The following CLDN10 variants were observed in gnomAD, a reference collection of about 807,000 sequenced individuals.
The protein encoded by CLDN10 is claudin-10.
In CLDN10, 15 loss-of-function variants were observed where a neutral mutation model predicts 22.9. The ratio of observed to expected loss-of-function variants is 0.65; its 90% confidence interval spans 0.44 to 1.01. CLDN10 has a LOEUF of 1.01. CLDN10 is among the 50% of genes least tolerant of loss of function. CLDN10 has a pLI of 0.00. For missense variants in CLDN10, 247 were observed against 287.8 expected (o/e 0.86, Z 1.03); for synonymous variants, 114 against 111.4 (o/e 1.02, Z -0.15).
At chr13:95,513,254 A>G (rs899348534) in intron 1 of CLDN10, among the ~76,000 whole-genome samples, 2 of 152,176 alleles carry the variant, frequency 1.3e-5, no homozygotes, top group Non-Finnish European at 2.9e-5. Flanking sequence ...CATAGTCAAG[A>G]GCATTATTTA....
chr13:95,572,938 A>C (rs983983085), intron 3 of CLDN10, among the ~76,000 whole-genome samples: 1 of 152,224 alleles, frequency 6.6e-6, no homozygotes, highest in Non-Finnish European at 1.5e-5. Context: ...TAAGTTGTTC[A>C]GCATTCCATT....
intron 1 of CLDN10, among the ~76,000 whole-genome samples, chr13:95,440,254 C>A (rs1043681562): frequency 6.6e-6 from 1 of 152,218 alleles, no homozygotes; most frequent in South Asian, 2.1e-4. Flanking sequence ...TTGGATAACA[C>A]TTACCTTTCC....
rs1265668456 is a variant in CLDN10, at chr13:95,579,616, CACA to C, written c.*1605_*1607del. The C allele has an allele frequency of 6.6e-6, 1 of 151,952 alleles. No individual in the cohort carries two copies. Among genetic ancestry groups the C allele is most frequent in the African/African-American group, 2.4e-5 (1 of 41,354 alleles). The allele number at this position is 151,952 out of a possible 1,614,324, so 9.4% of individuals were successfully genotyped here. A position where few individuals can be genotyped will look rare whatever the true frequency, so the allele number is the denominator to read the frequency against. On this transcript the variant is annotated 3_prime_UTR_variant, in exon 5 of 5. Transcript: ENST00000299339. ...GAGTAAGAAACTGTCCGATATGAAT[CACA>C]ACGTGGGTGAATGTAGTATTTTCCT...
chr13:95,481,675 C>T (rs1016093620), intron 1 of CLDN10, among the ~76,000 whole-genome samples: 3 of 152,174 alleles, frequency 2.0e-5, no homozygotes, highest in Admixed American at 6.5e-5. Context: ...TTCAGATAAT[C>T]TTCCTATGTT....
chr13:95,528,829 G>A (rs2043311954), intron 1 of CLDN10, among the ~76,000 whole-genome samples: 1 of 152,202 alleles, frequency 6.6e-6, no homozygotes, highest in African/African-American at 2.4e-5. Flanking sequence ...AAGAAAAAAA[G>A]TTTATTCAAT....
chr13:95,551,886 T>TA (rs113648925), upstream of CLDN10, among the ~76,000 whole-genome samples: 6 of 151,248 alleles, frequency 4.0e-5, no homozygotes, highest in South Asian at 4.2e-4. Context: ...GGAGGTGGTT[T>TA]AAAAAAAAAT....
chr13:95,538,837 G>A (rs970259452), intron 1 of CLDN10, among the ~76,000 whole-genome samples: 2 of 152,224 alleles, frequency 1.3e-5, no homozygotes, highest in East Asian at 1.9e-4. Flanking sequence ...CAGAGAAGGC[G>A]ATTTTTAAGT....
At chr13:95,556,899 A>G (rs1047006049) in intron 1 of CLDN10, among the ~76,000 whole-genome samples, 1 of 152,270 alleles carries the variant, frequency 6.6e-6, no homozygotes, top group Non-Finnish European at 1.5e-5. Context: ...TTTGGAAAAC[A>G]CTTAACTTTT....
intron 1 of CLDN10, among the ~76,000 whole-genome samples, chr13:95,525,575 C>T (rs1162031368): frequency 2.0e-5 from 3 of 152,166 alleles, no homozygotes; most frequent in African/African-American, 4.8e-5. Flanking sequence ...TCACTGCAAC[C>T]TCCACCTCCT....
At chr13:95,571,164 G>A (rs754867637) in intron 3 of CLDN10, among the ~76,000 whole-genome samples, 2 of 151,816 alleles carry the variant, frequency 1.3e-5, no homozygotes, top group Non-Finnish European at 2.9e-5. Flanking sequence ...AGTGACACAT[G>A]GTAGGTAATC....
At chr13:95,554,322 C>G (rs2043606770) in intron 1 of CLDN10, among the ~76,000 whole-genome samples, 1 of 152,210 alleles carries the variant, frequency 6.6e-6, no homozygotes, top group Non-Finnish European at 1.5e-5. Context: ...GAACACTCTT[C>G]TGTTGTAACT....
intron 1 of CLDN10, among the ~76,000 whole-genome samples, chr13:95,534,546 A>T (rs1269193790): frequency 6.6e-6 from 1 of 152,184 alleles, no homozygotes; most frequent in Non-Finnish European, 1.5e-5. Flanking sequence ...AAATTCAAAA[A>T]AAAATCAATT....
At chr13:95,551,837 G>A (rs723576), upstream of CLDN10, among the ~76,000 whole-genome samples, 61,669 of 151,952 alleles carry the variant, frequency 0.41, 13,379 homozygotes, top group African/African-American at 0.54. Flanking sequence ...AAGGGATGAA[G>A]GAATGAATGA....
At chr13:95,486,804 T>C (rs1045644778) in intron 1 of CLDN10, among the ~76,000 whole-genome samples, 1 of 152,186 alleles carries the variant, frequency 6.6e-6, no homozygotes, top group African/African-American at 2.4e-5. Context: ...CCTGGCCACG[T>C]TGTGAGCTCT....
intron 3 of CLDN10, 48 bp from the exon 4 acceptor site, chr13:95,577,183 A>C: frequency 8.0e-7 from 1 of 1,255,818 alleles, no homozygotes; most frequent in Middle Eastern, 1.9e-4. Context: ...AATACTGTTT[A>C]CTCTCCAAAT....
At chr13:95,559,657 G>C (rs140641975) in intron 1 of CLDN10, among the ~76,000 whole-genome samples, 2 of 152,162 alleles carry the variant, frequency 1.3e-5, no homozygotes, top group Non-Finnish European at 2.9e-5. Flanking sequence ...CTTATCATTT[G>C]ATAATGTCAA....
intron 1 of CLDN10, among the ~76,000 whole-genome samples, chr13:95,530,524 T>G (rs1245596232): frequency 6.6e-6 from 1 of 152,182 alleles, no homozygotes; most frequent in African/African-American, 2.4e-5. Context: ...TGCCTGAGTA[T>G]ACTCATCGAA....
chr13:95,552,064 A>G (rs2043572034), upstream of CLDN10, among the ~76,000 whole-genome samples: 1 of 152,210 alleles, frequency 6.6e-6, no homozygotes, highest in Non-Finnish European at 1.5e-5. Flanking sequence ...AGGATGCCCC[A>G]TCTGCTGCTA....
Position 95,435,464 on chromosome 13 carries a change from G to T in CLDN10, c.214+1417G>T, listed in dbSNP as rs2042258943. Among the ~76,000 whole-genome samples the T allele has an allele frequency of 2.6e-5, 4 of 152,140 alleles. No individual in the cohort carries two copies. The South Asian group carries it at 6.2e-4, about 24-fold the overall frequency. On this transcript the variant is annotated intron_variant, in intron 1 of 4. Transcript: ENST00000376873. Reference sequence around the variant, plus strand: ...AGAGAGAATACTTAACTAAATCCAGGAGATTTCTAATGACAATCAAAAGAA... The same window carrying T: ...AGAGAGAATACTTAACTAAATCCAGTAGATTTCTAATGACAATCAAAAGAA...
Sources: gnomAD v4.1 joint callset for allele counts (sites outside exome capture counted in the v4.1 genomes callset) on GRCh38, gnomAD v4.1.1 for gene constraint, MANE v1.5 for transcripts, NCBI Gene and HGNC (gene_info 2026-07-23, HGNC 2026-07-21) for gene names.